The following MRPS22 variants were observed in gnomAD, a reference collection of about 807,000 sequenced individuals.
The protein encoded by MRPS22 is small ribosomal subunit protein mS22.
Under a neutral mutation model 44.0 loss-of-function variants are expected in MRPS22, and 30 were observed. That is an observed-to-expected ratio of 0.68 (90% CI 0.51 to 0.93). MRPS22 has a LOEUF of 0.93. MRPS22 is among the 40% of genes least tolerant of loss of function. MRPS22 has a pLI of 0.00. For synonymous variants in MRPS22, 165 were observed against 154.4 expected (o/e 1.07, Z -0.51); for missense variants, 447 against 447.8 (o/e 1.00, Z 0.02).
Position 139,347,009 on chromosome 3 carries a change from A to G in MRPS22, c.304A>G (p.Thr102Ala). 1 of 1,614,202 alleles carries G rather than the reference A, an allele frequency of 6.2e-7. No individual in the cohort carries two copies. The highest frequency in any genetic ancestry group is 8.5e-7 in the Non-Finnish European group (1 of 1,180,028). The change falls in exon 2 of 8, where the codon ACC (threonine) becomes GCC (alanine). Residue 102 changes from threonine to alanine, a missense_variant. Transcript: ENST00000680020. ...AGCTATACAAGAACTGAAGCCACCA[A>G]CCTATAAGCTAATGACTCAGGCACA... ...KPAIQELKPP[T>A]YKLMTQAQLE... is the part of the protein sequence containing the mutation.
chr3:139,347,553 C>A (rs566188557), intron 2 of MRPS22, among the ~76,000 whole-genome samples: 4 of 152,182 alleles, frequency 2.6e-5, no homozygotes, highest in African/African-American at 4.8e-5. Flanking sequence ...ATATATATAT[C>A]TCTCTCCAGT....
chr3:139,347,174 C>A, intron 2 of MRPS22, 130 bp downstream of exon 2: 1 of 1,112,378 alleles, frequency 9.0e-7, no homozygotes, highest in Non-Finnish European at 1.3e-6. Context: ...AGGCATAGAA[C>A]TGAGAAAAGA....
intron 1 of MRPS22, among the ~76,000 whole-genome samples, chr3:139,345,438 GTTTTTTTTTTTGTT>G (rs1456660815): frequency 8.2e-6 from 1 of 121,646 alleles, no homozygotes; most frequent in South Asian, 2.8e-4. Flanking sequence ...TGCCAGTGGT[GTTTTTTTTTTTGTT>G]TTTTTTTTTT....
chr3:139,344,286 C>G (rs1424056446), intron 1 of MRPS22, 88 bp downstream of exon 1: 17 of 1,372,164 alleles, frequency 1.2e-5, no homozygotes, highest in Non-Finnish European at 1.7e-5. Flanking sequence ...CGATAGCCCC[C>G]GCGACACGTA....
In MRPS22 at chr3:139,344,683, A is replaced by G. The variant is rs758677365; in HGVS notation, c.172+485A>G. 5 of 701,270 alleles carry G rather than the reference A, an allele frequency of 7.1e-6. No homozygotes were observed. The South Asian group carries it at 7.4e-5, about 10-fold the overall frequency. 43.4% of individuals were successfully genotyped at this position (701,270 alleles called of 1,614,324 possible). A position where few individuals can be genotyped will look rare whatever the true frequency, so the allele number is the denominator to read the frequency against. ...GGACAGTAGCAGATGTCCAGAAATG[A>G]GACTGAGCACAGATATTTGGGAACC... is the stretch of plus-strand genomic sequence containing the variant. On this transcript the variant is annotated intron_variant, in intron 1 of 7. Transcript: ENST00000680020.
At chr3:139,352,563 C>A in intron 5 of MRPS22, 84 bp from the exon 6 acceptor site, 1 of 1,241,504 alleles carries the variant, frequency 8.1e-7, no homozygotes, top group Non-Finnish European at 1.2e-6. Context: ...GCTTGGGCAG[C>A]ACTCATGCTA....
intron 6 of MRPS22, 83 bp from the exon 7 acceptor site, chr3:139,355,599 G>A (rs1202343906): frequency 9.1e-7 from 1 of 1,093,750 alleles, no homozygotes; most frequent in African/African-American, 1.6e-5. Flanking sequence ...ATGTAATTTA[G>A]TTTGAAGTTG....
At position 139,344,070 on chromosome 3, in the gene MRPS22, G is replaced by C; in HGVS notation, c.44G>C (p.Arg15Thr). 6.2e-7 allele frequency: 1 copy of C among 1,614,158 alleles called. No individual in the cohort carries two copies. The change falls in exon 1 of 8, where the codon AGG becomes ACG. Residue 15 changes from arginine (R) to threonine (T), a missense_variant. Transcript: ENST00000680020. ...GTTVLLWSLLRSSPGVERVCF... is the reference protein window; with the variant it reads ...GTTVLLWSLLTSSPGVERVCF... ...ACTGTATTGCTGTGGAGCCTCTTGA[G>C]GAGTTCTCCGGGCGTGGAACGGGTC...
At chr3:139,345,692 C>T (rs1941028857) in intron 1 of MRPS22, among the ~76,000 whole-genome samples, 3 of 152,048 alleles carry the variant, frequency 2.0e-5, no homozygotes, top group Admixed American at 6.5e-5. Context: ...TTAGGAATGG[C>T]TGTAAGATTT....
chr3:139,353,299 AT>A (rs894772404), intron 6 of MRPS22, among the ~76,000 whole-genome samples: 4 of 152,232 alleles, frequency 2.6e-5, no homozygotes, highest in African/African-American at 9.6e-5. Context: ...TACCTGTTGT[AT>A]TTTAGCATCA....
At chr3:139,350,875 A>G (rs1941137817) in intron 4 of MRPS22, 102 bp from the exon 5 acceptor site, 8 of 852,400 alleles carry the variant, frequency 9.4e-6, no homozygotes, top group Admixed American at 3.4e-5. Flanking sequence ...CTTGAGGAGC[A>G]CAGAGTGGCC....
intron 3 of MRPS22, 80 bp from the exon 4 acceptor site, chr3:139,350,099 C>A (rs1467496638): frequency 7.2e-6 from 11 of 1,521,656 alleles, no homozygotes; most frequent in South Asian, 1.1e-5. Flanking sequence ...GCAAATTATT[C>A]TTATAATGGC....
rs1397685842 is a variant in MRPS22 at position 139,344,510 on chromosome 3, G to T, written c.172+312G>T. On this transcript the variant is annotated intron_variant, in intron 1 of 7. Transcript: ENST00000680020. ...ATGTCCATGGGGAATTGGCAGTGCAGTGTGACCCGGGTTGTTATAGGGGAC... is the reference window on the plus strand; with the variant it reads ...ATGTCCATGGGGAATTGGCAGTGCATTGTGACCCGGGTTGTTATAGGGGAC... 4 of 610,590 alleles carry T rather than the reference G, an allele frequency of 6.6e-6. No homozygotes were observed. The East Asian group carries it at 1.1e-4, about 17-fold the overall frequency. 37.8% of individuals were successfully genotyped at this position (610,590 alleles called of 1,614,324 possible). A position where few individuals can be genotyped will look rare whatever the true frequency, so the allele number is the denominator to read the frequency against.
rs1291293847 is a variant in MRPS22, at chr3:139,356,996, C to A, written c.1065C>A (p.Arg355=). 1 of 1,611,290 alleles carries A rather than the reference C, an allele frequency of 6.2e-7. No individual in the cohort carries two copies. The highest frequency in any genetic ancestry group is 8.5e-7 in the Non-Finnish European group (1 of 1,178,138). ...AGACTTATCAAGAAGCACTCAGTCGCCATTCTGCAGCTTCCTAAAAATATT... is the reference window on the plus strand; with the variant it reads ...AGACTTATCAAGAAGCACTCAGTCGACATTCTGCAGCTTCCTAAAAATATT... ...TLQTYQEALS[R]HSAAS is the part of the protein sequence containing the mutation. Residue 355 remains arginine, a synonymous_variant, in exon 8 of 8, where the codon CGC becomes CGA. Transcript: ENST00000680020.
chr3:139,355,715 T>C lies in MRPS22; in HGVS notation c.912T>C (p.Tyr304=). The C allele has an allele frequency of 2.5e-6, 4 of 1,614,160 alleles. No individual in the cohort carries two copies. Among genetic ancestry groups the C allele is most frequent in the Non-Finnish European group, 3.4e-6 (4 of 1,180,016 alleles). The change falls in exon 7 of 8, where the codon TAT becomes TAC. Residue 304 remains tyrosine, a synonymous_variant. Transcript: ENST00000680020. ...IDDATNLVQL[Y]HVLHPDGQSA... ...ATGCAACCAACTTGGTCCAGCTGTA[T>C]CACGTGCTCCATCCAGATGGCCAGT...
Position 139,355,693 on chromosome 3 carries a change from C to G in MRPS22, c.890C>G (p.Ala297Gly), listed in dbSNP as rs761681590. ...CCTTTCATTCTCAGAATCGATGATG[C>G]AACCAACTTGGTCCAGCTGTATCAC... The part of the protein sequence containing the change: ...DQIQRDLIDD[A>G]TNLVQLYHVL... The change falls in exon 7 of 8, where the codon GCA (alanine) becomes GGA (glycine). Residue 297 changes from alanine to glycine, a missense_variant. Ala to Gly is a moderately conservative substitution (Grantham distance 60). Coordinates refer to ENST00000680020, the MANE Select transcript of MRPS22 (RefSeq NM_020191.4). The G allele has an allele frequency of 2.0e-5, 32 of 1,613,872 alleles. No individual in the cohort carries two copies. The East Asian group carries it at 6.7e-4, about 34-fold the overall frequency.
intron 7 of MRPS22, among the ~76,000 whole-genome samples, chr3:139,356,575 G>T (rs976922692): frequency 2.6e-5 from 4 of 152,182 alleles, no homozygotes; most frequent in African/African-American, 9.7e-5. Flanking sequence ...ATTCTTTAAA[G>T]TCAAAAGTTA....
At chr3:139,347,075 C>T (rs746505770) in intron 2 of MRPS22, 31 bp downstream of exon 2, 4 of 1,612,910 alleles carry the variant, frequency 2.5e-6, no homozygotes, top group South Asian at 2.2e-5. Flanking sequence ...TGTTAGAATA[C>T]CTTTCTTTAA....
Position 139,350,332 on chromosome 3 carries a change from C to T in MRPS22, c.648+10C>T, listed in dbSNP as rs1378773260. On this transcript the variant is annotated intron_variant, in intron 4 of 7. Coordinates refer to ENST00000680020, the MANE Select transcript of MRPS22 (RefSeq NM_020191.4). Reference sequence around the variant, plus strand: ...GGAAGAAAATCTTAGGGTAAGGTGACTTAGGTTTTATGTTTTAGAGCCAGT... The same window carrying T: ...GGAAGAAAATCTTAGGGTAAGGTGATTTAGGTTTTATGTTTTAGAGCCAGT... The T allele has an allele frequency of 3.1e-6, 5 of 1,613,298 alleles. No individual in the cohort carries two copies. In the African/African-American group the frequency reaches 4.0e-5, roughly 13 times the overall value.
Sources: gnomAD v4.1 joint callset for allele counts (sites outside exome capture counted in the v4.1 genomes callset) on GRCh38, gnomAD v4.1.1 for gene constraint, MANE v1.5 for transcripts, NCBI Gene and HGNC (gene_info 2026-07-23, HGNC 2026-07-21) for gene names.